The following DHX9 variants were observed in gnomAD, a reference collection of about 807,000 sequenced individuals.
DHX9 encodes DExH-box helicase 9, also known as ATP-dependent RNA helicase A.
Under a neutral mutation model 148.7 loss-of-function variants are expected in DHX9, and 27 were observed. The ratio of observed to expected loss-of-function variants is 0.18; its 90% CI spans 0.13 to 0.25. The LOEUF is 0.25. Among genes scored for constraint, DHX9 ranks in the 10% least tolerant of loss-of-function variants. The pLI, the probability that DHX9 is intolerant of heterozygous loss-of-function variation, is 1.00. For synonymous variants in DHX9, 529 were observed against 516.6 expected, an observed-to-expected ratio of 1.02 and a Z score of -0.33; for missense variants, 796 against 1,559.6, an observed-to-expected ratio of 0.51 and a Z score of 8.25.
rs1321932866 is a variant in DHX9, at chr1:182,872,270, CTT to C, written c.1558-64_1558-63del. 104 of 1,374,350 alleles carry C rather than the reference CTT, an allele frequency of 7.6e-5. 1 individual carries two copies. In the Middle Eastern group the frequency reaches 1.0e-3, roughly 14 times the overall value. 85.1% of individuals were successfully genotyped at this position (1,374,350 alleles called of 1,614,324 possible). A position where few individuals can be genotyped will look rare whatever the true frequency, so the allele number is the denominator to read the frequency against. On this transcript the variant is annotated intron_variant, in intron 14 of 27. Transcript: ENST00000367549. ...ATTGATGTCTTATGGCTGTATAACTCTTTTAGGCATAGCTTGTTATATAAACT... is the reference window on the plus strand; with the variant it reads ...ATTGATGTCTTATGGCTGTATAACTCTTAGGCATAGCTTGTTATATAAACT...
intron 13 of DHX9, 82 bp from the exon 14 acceptor site, chr1:182,866,879 T>C: frequency 4.7e-6 from 5 of 1,059,816 alleles, no homozygotes; most frequent in Non-Finnish European, 7.0e-6. Flanking sequence ...TGCTGGGGTC[T>C]CTTAGTTGAA....
chr1:182,858,909 G>A lies in DHX9; in HGVS notation c.1062+15G>A, dbSNP rs1557969895. 3.1e-6 allele frequency: 5 copies of A among 1,613,452 alleles called. No individual in the cohort carries two copies. Among genetic ancestry groups the A allele is most frequent in the Non-Finnish European group, 4.2e-6 (5 of 1,179,734 alleles). Reference sequence around the variant, plus strand: ...CTCTGGCTTTTGTGAGTGCAATATTGTTTTTGAGATCAGAGTCTTGTGTTT... The same window carrying A: ...CTCTGGCTTTTGTGAGTGCAATATTATTTTTGAGATCAGAGTCTTGTGTTT... On this transcript the variant is annotated intron_variant, in intron 10 of 27. Coordinates refer to ENST00000367549, the MANE Select transcript of DHX9 (RefSeq NM_001357.5).
intron 12 of DHX9, among the ~76,000 whole-genome samples, chr1:182,866,180 C>T (rs2102606942): frequency 6.6e-6 from 1 of 152,222 alleles, no homozygotes; most frequent in South Asian, 2.1e-4. Context: ...TATGCTGTGC[C>T]CTGTTTCCTA....
Position 182,883,248 on chromosome 1 carries a change from A to G in DHX9, c.3024A>G (p.Glu1008=), listed in dbSNP as rs936391204. The change falls in exon 25 of 28, where the codon GAA becomes GAG. Residue 1008 remains glutamate, a synonymous_variant. Transcript: ENST00000367549. ...ACCCCAATGTATGCTATCATAAGGA[A>G]AAGAGGAAGATTCTCACCACTGAAG... ...GVYPNVCYHK[E]KRKILTTEGR... 1.2e-6 allele frequency: 2 copies of G among 1,614,134 alleles called. No homozygotes were observed. Among genetic ancestry groups the G allele is most frequent in the Middle Eastern group, 1.6e-4 (1 of 6,062 alleles).
rs1317172047 is a variant in DHX9 at position 182,876,104 on chromosome 1, A to T, written c.1870A>T (p.Met624Leu). The T allele has an allele frequency of 1.2e-6, 2 of 1,613,862 alleles. No individual in the cohort carries two copies. The highest frequency in any genetic ancestry group is 1.7e-6 in the Non-Finnish European group (2 of 1,179,872). ...ATATGGTCCAGAAACAAGGTTGAGC[A>T]TGTCTCAATTGAACGAAAAGGAAAC... is the stretch of plus-strand genomic sequence containing the variant. ...DEYGPETRLS[M>L]SQLNEKETPF... Residue 624 changes from methionine (M) to leucine (L), a missense_variant, in exon 17 of 28, where the codon ATG becomes TTG. Transcript: ENST00000367549.
At position 182,876,782 on chromosome 1, in the gene DHX9, GTAAC is replaced by G. The variant is rs777545627; in HGVS notation, c.2125-44_2125-41del. 4 of 1,417,894 alleles carry G rather than the reference GTAAC, an allele frequency of 2.8e-6. No individual in the cohort carries two copies. The South Asian group carries it at 4.8e-5, about 17-fold the overall frequency. The allele number at this position is 1,417,894 out of a possible 1,614,324, so 87.8% of individuals were successfully genotyped here. On this transcript the variant is annotated intron_variant, in intron 18 of 27. Transcript: ENST00000367549. ...TACATAAGCAAATCAGTCCTTTTAA[GTAAC>G]TAATAAGAATATTTTCTGGAGTGTA...
intron 5 of DHX9, 84 bp downstream of exon 5, chr1:182,853,502 A>C (rs542330062): frequency 7.9e-6 from 8 of 1,019,000 alleles, no homozygotes; most frequent in Non-Finnish European, 1.2e-5. Context: ...GGATATTCAC[A>C]AGTTAATAAT....
rs1668023131 is a variant in DHX9 at position 182,846,067 on chromosome 1, A to G, written c.252+2633A>G. On this transcript the variant is annotated intron_variant, in intron 3 of 27. Transcript: ENST00000367549. ...GCTGGGAGGTGGGACCGAAAGTTTC[A>G]GCCCTCTAATCTTTCCTTGGTGGTT... Among the ~76,000 whole-genome samples, 3 of 152,108 alleles carry G rather than the reference A, an allele frequency of 2.0e-5. No individual in the cohort carries two copies. In the South Asian group the frequency reaches 6.2e-4, roughly 32 times the overall value.
intron 14 of DHX9, among the ~76,000 whole-genome samples, chr1:182,868,404 T>TAAA (rs1487442000): frequency 6.6e-6 from 1 of 152,166 alleles, no homozygotes; most frequent in Non-Finnish European, 1.5e-5. Flanking sequence ...AATTTAACTG[T>TAAA]TATGCTTGAA....
chr1:182,866,904 C>A, intron 13 of DHX9, 57 bp from the exon 14 acceptor site: 1 of 1,298,998 alleles, frequency 7.7e-7, no homozygotes, highest in Non-Finnish European at 1.1e-6. Flanking sequence ...AGATAATTGT[C>A]CATAGATTTA....
At chr1:182,869,808 G>A (rs374644853) in intron 14 of DHX9, among the ~76,000 whole-genome samples, 90 of 152,174 alleles carry the variant, frequency 5.9e-4, no homozygotes, top group African/African-American at 1.8e-3. Context: ...CATGTTGGCC[G>A]AACTGGTCTC....
In DHX9 at chr1:182,887,237, T is replaced by G; in HGVS notation, c.3616T>G (p.Phe1206Val). 1 of 1,614,154 alleles carries G rather than the reference T, an allele frequency of 6.2e-7. No individual in the cohort carries two copies. Among genetic ancestry groups the G allele is most frequent in the South Asian group, 1.1e-5 (1 of 91,082 alleles). ...AGGCTATGGTGGCAGCGCCAACTCCTTTCGGGCAGGATATGGTGCAGGTGT... is the reference window on the plus strand; with the variant it reads ...AGGCTATGGTGGCAGCGCCAACTCCGTTCGGGCAGGATATGGTGCAGGTGT... ...SGGYGGSANS[F>V]RAGYGAGVGG... The change falls in exon 28 of 28, where the codon TTT (phenylalanine) becomes GTT (valine). Residue 1206 changes from phenylalanine (F) to valine (V), a missense_variant. Coordinates refer to ENST00000367549, the MANE Select transcript of DHX9 (RefSeq NM_001357.5).
chr1:182,851,009 G>A (rs950084171), intron 3 of DHX9, among the ~76,000 whole-genome samples: 1 of 152,152 alleles, frequency 6.6e-6, no homozygotes, highest in Non-Finnish European at 1.5e-5. Context: ...AGGTCCTGGA[G>A]TGGCAAGGTG....
chr1:182,887,671 A>T lies in DHX9; in HGVS notation c.*237A>T. 1 of 443,586 alleles carries T rather than the reference A, an allele frequency of 2.3e-6. No individual in the cohort carries two copies. Among genetic ancestry groups the T allele is most frequent in the Non-Finnish European group, 4.0e-6 (1 of 248,432 alleles). The allele number at this position is 443,586 out of a possible 1,614,324, so 27.5% of individuals were successfully genotyped here. A position where few individuals can be genotyped will look rare whatever the true frequency, so the allele number is the denominator to read the frequency against. ...CACAGTTTGTATTTTTTCTTTAAGG[A>T]GTAAAGATTTGCCTTTAAATAACTT... On this transcript the variant is annotated 3_prime_UTR_variant, in exon 28 of 28. Coordinates refer to ENST00000367549, the MANE Select transcript of DHX9 (RefSeq NM_001357.5).
At chr1:182,879,431 A>T (rs1571320588) in intron 21 of DHX9, 21 bp downstream of exon 21, 1 of 1,420,556 alleles carries the variant, frequency 7.0e-7, no homozygotes, top group Non-Finnish European at 9.4e-7. Context: ...ATACAAACCT[A>T]CTTGACGCAG....
At position 182,854,007 on chromosome 1, in the gene DHX9, T is replaced by TTTAATTATCATTGA. The variant is rs1668210072; in HGVS notation, c.478-20_478-7dup. Reference sequence around the variant, plus strand: ...TATACCTAAACTTAACACAGCCAAATTTAATTATCATTGATTCTACAGACT... The same window carrying TTTAATTATCATTGA: ...TATACCTAAACTTAACACAGCCAAATTTAATTATCATTGATTAATTATCATTGATTCTACAGACT... On this transcript the variant is annotated intron_variant, in intron 5 of 27. Transcript: ENST00000367549. 2.5e-6 allele frequency: 4 copies of TTTAATTATCATTGA among 1,606,166 alleles called. No homozygotes were observed. In the East Asian group the frequency reaches 8.9e-5, roughly 36 times the overall value.
At position 182,842,542 on chromosome 1, in the gene DHX9, T is replaced by G. The variant is rs759592126; in HGVS notation, c.-22-3T>G. 6.4e-7 allele frequency: 1 copy of G among 1,570,168 alleles called. No individual in the cohort carries two copies. Among genetic ancestry groups the G allele is most frequent in the Non-Finnish European group, 8.7e-7 (1 of 1,148,286 alleles). On this transcript the variant is annotated splice_polypyrimidine_tract_variant and splice_region_variant and intron_variant, in intron 1 of 27. Coordinates refer to ENST00000367549, the MANE Select transcript of DHX9 (RefSeq NM_001357.5). ...TGTTTTTAACTGACTTTTGTTTTCT[T>G]AGATCTGAAGAAGACACTTGAATCA...
rs1262445207 is a variant in DHX9 at position 182,853,902 on chromosome 1, G to A, written c.478-128G>A. On this transcript the variant is annotated intron_variant, in intron 5 of 27. Transcript: ENST00000367549. Reference sequence around the variant, plus strand: ...TAATTCTGGTTCAGTTTTTGACTAGGATTATAAACTATCAAAAACAGCTTT... The same window carrying A: ...TAATTCTGGTTCAGTTTTTGACTAGAATTATAAACTATCAAAAACAGCTTT... The A allele has an allele frequency of 4.9e-6, 4 of 816,184 alleles. No individual in the cohort carries two copies. The Admixed American group carries it at 7.5e-5, about 15-fold the overall frequency. The allele number at this position is 816,184 out of a possible 1,614,324, so 50.6% of individuals were successfully genotyped here.
intron 21 of DHX9, 91 bp from the exon 22 acceptor site, chr1:182,880,406 A>G (rs1233199115): frequency 3.8e-6 from 3 of 785,562 alleles, no homozygotes; most frequent in Non-Finnish European, 6.2e-6. Context: ...GAGGAACTCT[A>G]AACTGTCTTA....
Sources: gnomAD v4.1 joint callset for allele counts (sites outside exome capture counted in the v4.1 genomes callset) on GRCh38, gnomAD v4.1.1 for gene constraint, MANE v1.5 for transcripts, NCBI Gene and HGNC (gene_info 2026-07-23, HGNC 2026-07-21) for gene names.